Variants in MBP observed in about 807,000 individuals in gnomAD.
MBP encodes the protein myelin basic protein.
A neutral mutation model predicts 35.8 loss-of-function variants in MBP; 16 were observed. The observed-to-expected ratio is 0.45, with a 90% confidence interval of 0.30 to 0.68. The LOEUF is 0.68. MBP is among the 30% of genes least tolerant of loss of function. The probability of loss-of-function intolerance (pLI) is 0.08; values close to 1 mark genes in which losing one functional copy is unlikely to be tolerated. For missense variants in MBP, 380 were observed against 404.7 expected (o/e 0.94, Z 0.52); for synonymous variants, 143 against 159.6 (o/e 0.90, Z 0.78).
At position 76,986,656 on chromosome 18, in the gene MBP, G is replaced by A. The variant is rs765672733; in HGVS notation, c.751-1762C>T. 970 of 985,538 alleles carry A rather than the reference G, an allele frequency of 9.8e-4. 1 individual carries two copies. Among genetic ancestry groups the A allele is most frequent in the Non-Finnish European group, 1.1e-3 (902 of 829,998 alleles). 61.0% of individuals were successfully genotyped at this position (985,538 alleles called of 1,614,324 possible). ...AGGGGACAGCCAGCCTCGCTCTTGCGTCCTAGAGGTTTCCAGGTTCATGCT... is the reference window on the plus strand; with the variant it reads ...AGGGGACAGCCAGCCTCGCTCTTGCATCCTAGAGGTTTCCAGGTTCATGCT... On this transcript the variant is annotated intron_variant, in intron 7 of 8. Coordinates refer to ENST00000355994, the MANE Select transcript of MBP (RefSeq NM_001025101.2).
At chr18:76,982,663 T>C (rs1394811366) in intron 8 of MBP, 2 of 152,184 alleles carry the variant, frequency 1.3e-5, no homozygotes, top group African/African-American at 4.8e-5. Context: ...GAAGGAAAGA[T>C]GGTAAAATGA....
chr18:77,115,329 T>C (rs1953683449), intron 1 of MBP: 1 of 152,286 alleles, frequency 6.6e-6, no homozygotes, highest in Non-Finnish European at 1.5e-5. Context: ...ACAATGGCTC[T>C]TGATAGCCTG....
At chr18:76,983,731 T>A (rs1969354078) in intron 8 of MBP, 1 of 152,162 alleles carries the variant, frequency 6.6e-6, no homozygotes. Flanking sequence ...CCACAGAACC[T>A]CCCAGAACCT....
chr18:77,017,834 A>G (rs1312201803), intron 3 of MBP: 2 of 152,250 alleles, frequency 1.3e-5, no homozygotes, highest in African/African-American at 4.8e-5. Flanking sequence ...CTTATTCAGG[A>G]CATTTTGACT....
intron 2 of MBP, 110 bp downstream of exon 2, chr18:77,105,101 G>C: frequency 1.3e-6 from 1 of 798,342 alleles, no homozygotes; most frequent in Non-Finnish European, 2.1e-6. Flanking sequence ...CCAGCTGTCA[G>C]GGAAGAGTGT....
At chr18:76,985,358 TG>T in intron 7 of MBP, 1 of 1,275,992 alleles carries the variant, frequency 7.8e-7, no homozygotes, top group South Asian at 1.3e-5. Context: ...GCGCCTTTGC[TG>T]GGGGCTCCTT....
At position 77,051,376 on chromosome 18, in the gene MBP, A is replaced by G. The variant is rs535629504; in HGVS notation, c.139+14922T>C. 2.6e-4 allele frequency among the ~76,000 whole-genome samples: 39 copies of G among 152,334 alleles called. No individual in the cohort carries two copies. In the South Asian group the frequency reaches 7.7e-3, roughly 30 times the overall value. On this transcript the variant is annotated intron_variant, in intron 3 of 8. Coordinates refer to ENST00000355994, the MANE Select transcript of MBP (RefSeq NM_001025101.2). ...TTAACCTACTTAAATGGTCACATCC[A>G]CTGTTTATTTTAAAATCCACCCACC...
At chr18:76,991,984 G>A (rs1969953096) in intron 4 of MBP, among the ~76,000 whole-genome samples, 1 of 152,218 alleles carries the variant, frequency 6.6e-6, no homozygotes, top group Non-Finnish European at 1.5e-5. Flanking sequence ...CAGCCACAAA[G>A]GACAATGTTT....
chr18:77,071,763 G>T (rs1468305957), intron 2 of MBP, among the ~76,000 whole-genome samples: 1 of 152,126 alleles, frequency 6.6e-6, no homozygotes, highest in Non-Finnish European at 1.5e-5. Context: ...AAGCCAAATT[G>T]GGTGCTTCAA....
intron 4 of MBP, chr18:77,002,998 C>T (rs1693542573): frequency 6.6e-6 from 1 of 152,136 alleles, no homozygotes; most frequent in South Asian, 2.1e-4. Flanking sequence ...CAGTTAGTGT[C>T]TAGGGAATGA....
At chr18:77,071,734 A>G (rs1267275693) in intron 2 of MBP, among the ~76,000 whole-genome samples, 5 of 152,182 alleles carry the variant, frequency 3.3e-5, no homozygotes, top group Non-Finnish European at 7.4e-5. Flanking sequence ...AGCTGAGCAT[A>G]CAAAGAAAAT....
At chr18:77,133,694 AGTTT>A (rs1977358913), upstream of MBP, 1 of 152,124 alleles carries the variant, frequency 6.6e-6, no homozygotes, top group Non-Finnish European at 1.5e-5. Flanking sequence ...GGACCCACAC[AGTTT>A]GTTAGGAAGT....
intron 3 of MBP, among the ~76,000 whole-genome samples, chr18:77,042,774 C>G (rs1355507016): frequency 6.6e-6 from 1 of 152,218 alleles, no homozygotes; most frequent in Non-Finnish European, 1.5e-5. Flanking sequence ...ACCCAGCAAG[C>G]GCCTGCGCAG....
chr18:77,122,609 C>G (rs1412191355), intron 1 of MBP, among the ~76,000 whole-genome samples: 1 of 152,238 alleles, frequency 6.6e-6, no homozygotes, highest in East Asian at 1.9e-4. Context: ...TTGGCGCAAT[C>G]TGGGCTCACT....
intron 3 of MBP, chr18:77,017,596 G>A (rs1009128747): frequency 1.3e-5 from 3 of 238,174 alleles, no homozygotes; most frequent in South Asian, 1.8e-4. Context: ...GGCTGCTCCC[G>A]GAGAGCCCAG....
chr18:77,009,791 C>G, intron 4 of MBP: 1 of 1,449,534 alleles, frequency 6.9e-7, no homozygotes, highest in Non-Finnish European at 9.4e-7. Context: ...TGGCTGAGAG[C>G]TCAGGAAACG....
At chr18:77,025,623 C>T (rs774093376) in intron 3 of MBP, among the ~76,000 whole-genome samples, 72 of 149,740 alleles carry the variant, frequency 4.8e-4, no homozygotes, top group Non-Finnish European at 8.6e-4. Context: ...CTAATCAGAA[C>T]ATGGCAGGAA....
At chr18:77,018,559 C>A in intron 3 of MBP, among the ~76,000 whole-genome samples, 1 of 143,170 alleles carries the variant, frequency 7.0e-6, no homozygotes, top group African/African-American at 2.6e-5. Context: ...CTATCCATCC[C>A]CCATCCACTC....
At chr18:76,987,567 C>T (rs951940528) in intron 7 of MBP, 5 of 984,968 alleles carry the variant, frequency 5.1e-6, no homozygotes, top group Admixed American at 6.2e-5. Context: ...GTTCTTTCTC[C>T]TTGTTGTTTT....
Sources: allele counts gnomAD v4.1 joint callset (sites outside exome capture counted in the v4.1 genomes callset), GRCh38; gene constraint gnomAD v4.1.1; transcripts MANE v1.5; gene names NCBI Gene and HGNC (gene_info 2026-07-23, HGNC 2026-07-21).